MYO3A: variants seen among roughly 807,000 people sequenced by gnomAD.
MYO3A encodes the protein myosin IIIA.
Under a neutral mutation model 192.7 loss-of-function variants are expected in MYO3A, and 180 were observed. The observed-to-expected ratio is 0.93, with a 90% CI of 0.83 to 1.06. The LOEUF is 1.06. Ranked by LOEUF, MYO3A falls within the 50% of genes least tolerant of loss-of-function variation. The probability of loss-of-function intolerance (pLI) is 0.00; values close to 1 mark genes in which losing one functional copy is unlikely to be tolerated. For synonymous variants in MYO3A, 628 were observed against 645.3 expected (o/e 0.97, Z 0.41); for missense variants, 1,896 against 1,905.0 (o/e 1.00, Z 0.09).
intron 23 of MYO3A, among the ~76,000 whole-genome samples, chr10:26,153,540 C>T (rs1367480045): frequency 1.3e-5 from 2 of 152,132 alleles, no homozygotes; most frequent in East Asian, 3.8e-4. Flanking sequence ...ATTTATCACA[C>T]AAAAAAATAA....
intron 6 of MYO3A, among the ~76,000 whole-genome samples, chr10:26,008,463 A>G (rs1841387078): frequency 6.7e-6 from 1 of 148,360 alleles, no homozygotes; most frequent in Non-Finnish European, 1.5e-5. Context: ...AAAATGGGAG[A>G]AAATTTTCGC....
intron 8 of MYO3A, chr10:26,023,337 A>C (rs747116600): frequency 6.6e-6 from 1 of 152,332 alleles, no homozygotes; most frequent in African/African-American, 2.4e-5. Flanking sequence ...AGCAAATTCA[A>C]CTATCATGGT....
At chr10:26,078,098 A>G (rs1835704215) in intron 14 of MYO3A, among the ~76,000 whole-genome samples, 1 of 148,570 alleles carries the variant, frequency 6.7e-6, no homozygotes, top group Non-Finnish European at 1.5e-5. Flanking sequence ...AATGTCTGGT[A>G]GAATTCTGCT....
intron 14 of MYO3A, among the ~76,000 whole-genome samples, chr10:26,083,429 G>A (rs886331084): frequency 6.6e-6 from 1 of 152,182 alleles, no homozygotes; most frequent in Admixed American, 6.5e-5. Context: ...TAGGTAACTG[G>A]CTCTATGGTA....
At chr10:26,144,564 A>G (rs907173901) in intron 21 of MYO3A, among the ~76,000 whole-genome samples, 22 of 152,030 alleles carry the variant, frequency 1.4e-4, no homozygotes, top group African/African-American at 5.1e-4. Context: ...AAGGTGGCAA[A>G]ATTGTTATAG....
At chr10:26,067,169 A>G (rs184435347) in intron 11 of MYO3A, 95 bp downstream of exon 11, 202 of 807,002 alleles carry the variant, frequency 2.5e-4, no homozygotes, top group Non-Finnish European at 2.2e-4. Context: ...GAATATATAG[A>G]TTATGATGGT....
chr10:26,040,691 T>A (rs1843296036), intron 10 of MYO3A, among the ~76,000 whole-genome samples: 1 of 152,092 alleles, frequency 6.6e-6, no homozygotes, highest in South Asian at 2.1e-4. Flanking sequence ...TTTCTATGTG[T>A]TTGTGTAGTT....
intron 10 of MYO3A, among the ~76,000 whole-genome samples, chr10:26,065,623 A>G (rs1834789253): frequency 1.3e-5 from 2 of 148,552 alleles, no homozygotes; most frequent in African/African-American, 4.9e-5. Context: ...AGTATACATA[A>G]TTCTTTTGAG....
At chr10:26,146,831 G>T (rs187755069) in intron 22 of MYO3A, among the ~76,000 whole-genome samples, 1 of 150,042 alleles carries the variant, frequency 6.7e-6, no homozygotes, top group Non-Finnish European at 1.5e-5. Context: ...TCGTAAAATT[G>T]GCTAGGCATG....
intron 31 of MYO3A, among the ~76,000 whole-genome samples, chr10:26,183,896 C>T (rs186816844): frequency 6.6e-6 from 1 of 152,104 alleles, no homozygotes; most frequent in Non-Finnish European, 1.5e-5. Context: ...CAGAGATATC[C>T]CAGAGTAGAC....
At chr10:26,071,332 C>A (rs1164716964) in intron 14 of MYO3A, among the ~76,000 whole-genome samples, 1 of 150,620 alleles carries the variant, frequency 6.6e-6, no homozygotes, top group Non-Finnish European at 1.5e-5. Flanking sequence ...TGGATAGGCC[C>A]ATACAAAAAA....
chr10:25,962,395 C>T (rs1837987449), intron 4 of MYO3A, among the ~76,000 whole-genome samples: 1 of 151,932 alleles, frequency 6.6e-6, no homozygotes. Flanking sequence ...AGTTGCTGGC[C>T]CTCTGAAATT....
chr10:26,165,951 G>C lies in MYO3A; in HGVS notation c.3000-116G>C, dbSNP rs969714761. ...CTGAGGATGCCTAAAGGATTTCTCC[G>C]CATCAAGTCTGGGCATCTCTTCCTC... On this transcript the variant is annotated intron_variant, in intron 26 of 34. Transcript: ENST00000642920. The C allele has an allele frequency of 3.4e-6, 3 of 872,178 alleles. No individual in the cohort carries two copies. The Admixed American group carries it at 5.1e-5, about 15-fold the overall frequency. The allele number at this position is 872,178 out of a possible 1,614,324, so 54.0% of individuals were successfully genotyped here.
intron 14 of MYO3A, among the ~76,000 whole-genome samples, chr10:26,085,434 A>T (rs1218357077): frequency 6.6e-6 from 1 of 152,120 alleles, no homozygotes; most frequent in African/African-American, 2.4e-5. Flanking sequence ...TGCATTCCAT[A>T]GGCTTGGTAT....
At chr10:26,039,207 A>ATTTTT (rs34416918) in intron 10 of MYO3A, among the ~76,000 whole-genome samples, 44 of 106,808 alleles carry the variant, frequency 4.1e-4, no homozygotes, top group African/African-American at 6.2e-4. Context: ...GGCTCGGCTA[A>ATTTTT]TTTTTTTTTT....
intron 29 of MYO3A, 107 bp downstream of exon 29, chr10:26,170,646 A>G: frequency 8.2e-7 from 1 of 1,219,644 alleles, no homozygotes; most frequent in Admixed American, 2.1e-5. Flanking sequence ...GGTTCCTGAT[A>G]CTGACACATC....
rs1263290442 is a variant in MYO3A, at chr10:25,996,601, C to G, written c.408+7C>G. The G allele has an allele frequency of 3.7e-6, 6 of 1,601,112 alleles. No homozygotes were observed. Among genetic ancestry groups the G allele is most frequent in the Non-Finnish European group, 5.1e-6 (6 of 1,168,744 alleles). Reference sequence around the variant, plus strand: ...TTTACATGAAGCACTAATGGTAAGGCAATTTAAATTGTATGTGCATTAATT... The same window carrying G: ...TTTACATGAAGCACTAATGGTAAGGGAATTTAAATTGTATGTGCATTAATT... On this transcript the variant is annotated splice_region_variant and intron_variant, in intron 5 of 34. Coordinates refer to ENST00000642920, the MANE Select transcript of MYO3A (RefSeq NM_017433.5).
At chr10:26,083,797 A>G (rs528006645) in intron 14 of MYO3A, among the ~76,000 whole-genome samples, 1 of 152,350 alleles carries the variant, frequency 6.6e-6, no homozygotes, top group African/African-American at 2.4e-5. Flanking sequence ...TGTCTTCTCA[A>G]CGTAAAGAAA....
rs1843962844 is a variant in MYO3A, at chr10:26,206,579, C to G, written c.4730+3472C>G. ...TTCTCCTGCCTCAGCCTCCCAAATA[C>G]CTGGGATTACAGGTGCCTGCCACCA... On this transcript the variant is annotated intron_variant, in intron 34 of 34. Coordinates refer to ENST00000642920, the MANE Select transcript of MYO3A (RefSeq NM_017433.5). 2.0e-5 allele frequency among the ~76,000 whole-genome samples: 3 copies of G among 151,550 alleles called. No homozygotes were observed. The South Asian group carries it at 6.3e-4, about 32-fold the overall frequency.
Sources: allele counts gnomAD v4.1 joint callset (sites outside exome capture counted in the v4.1 genomes callset), GRCh38; gene constraint gnomAD v4.1.1; transcripts MANE v1.5; gene names NCBI Gene and HGNC (gene_info 2026-07-23, HGNC 2026-07-21).